The following COL24A1 variants were observed in gnomAD, a reference collection of about 807,000 sequenced individuals.
The protein encoded by COL24A1 is collagen type XXIV alpha 1 chain, also known as collagen alpha-1(XXIV) chain.
Under a neutral mutation model 253.9 loss-of-function variants are expected in COL24A1, and 224 were observed. The ratio of observed to expected loss-of-function variants is 0.88; its 90% confidence interval spans 0.79 to 0.99. The LOEUF is 0.99. Ranked by LOEUF, COL24A1 falls within the 50% of genes least tolerant of loss-of-function variation. The pLI, the probability that COL24A1 is intolerant of heterozygous loss-of-function variation, is 0.00. For missense variants in COL24A1, 2,131 were observed against 2,068.5 expected (o/e 1.03, Z -0.59); for synonymous variants, 685 against 673.7 (o/e 1.02, Z -0.26).
intron 24 of COL24A1, among the ~76,000 whole-genome samples, chr1:85,958,705 G>GT (rs1022806112): frequency 6.6e-6 from 1 of 152,146 alleles, no homozygotes; most frequent in Admixed American, 6.5e-5. Context: ...AAAAGAACAT[G>GT]TTTTTTTCTT....
chr1:85,986,791 C>A (rs539202161), intron 20 of COL24A1, among the ~76,000 whole-genome samples: 2 of 151,928 alleles, frequency 1.3e-5, no homozygotes, highest in East Asian at 1.9e-4. Flanking sequence ...CCTATCATTT[C>A]ATCTCTCTCT....
chr1:85,891,277 GA>G (rs1358219494), intron 31 of COL24A1, among the ~76,000 whole-genome samples: 5 of 150,178 alleles, frequency 3.3e-5, no homozygotes, highest in African/African-American at 1.2e-4. Context: ...TGTTAACCAG[GA>G]TGGTATCAAT....
intron 7 of COL24A1, among the ~76,000 whole-genome samples, chr1:86,088,203 C>G (rs1703210343): frequency 6.6e-6 from 1 of 152,106 alleles, no homozygotes; most frequent in Non-Finnish European, 1.5e-5. Flanking sequence ...AGTTAAGCAA[C>G]CTGCCCAAAG....
At chr1:85,739,712 C>T (rs768509738) in intron 57 of COL24A1, among the ~76,000 whole-genome samples, 3 of 152,100 alleles carry the variant, frequency 2.0e-5, no homozygotes, top group African/African-American at 7.2e-5. Flanking sequence ...GATTTTAAAG[C>T]CACATAGATG....
chr1:85,944,755 G>A (rs572514576), intron 24 of COL24A1, among the ~76,000 whole-genome samples: 3 of 151,388 alleles, frequency 2.0e-5, no homozygotes, highest in East Asian at 3.9e-4. Context: ...CCCATTCCCC[G>A]ACCCCACAAC....
chr1:85,852,110 G>A (rs2102350293), intron 37 of COL24A1, among the ~76,000 whole-genome samples: 1 of 152,028 alleles, frequency 6.6e-6, no homozygotes, highest in Non-Finnish European at 1.5e-5. Context: ...GTTTGTGTGT[G>A]TGCGCGCACG....
intron 7 of COL24A1, among the ~76,000 whole-genome samples, chr1:86,088,622 T>A (rs1477329192): frequency 6.6e-6 from 1 of 152,176 alleles, no homozygotes; most frequent in Non-Finnish European, 1.5e-5. Flanking sequence ...TGTTTTTCAC[T>A]AGCTGTCCCC....
intron 31 of COL24A1, 47 bp from the exon 32 acceptor site, chr1:85,889,660 T>C (rs1284834809): frequency 9.2e-6 from 14 of 1,520,922 alleles, no homozygotes; most frequent in Non-Finnish European, 1.2e-5. Flanking sequence ...TGTGTGAAGA[T>C]GTTTTAGACA....
intron 7 of COL24A1, among the ~76,000 whole-genome samples, chr1:86,067,784 T>C (rs1701598140): frequency 6.6e-6 from 1 of 152,224 alleles, no homozygotes. Context: ...GATACATTCC[T>C]TGGAAAACTG....
intron 47 of COL24A1, among the ~76,000 whole-genome samples, chr1:85,807,278 T>C (rs1396964601): frequency 1.3e-5 from 2 of 152,196 alleles, no homozygotes; most frequent in African/African-American, 4.8e-5. Flanking sequence ...AACTCTATTA[T>C]TGCAATCGAA....
At chr1:85,999,975 CT>C (rs1306875228) in intron 19 of COL24A1, among the ~76,000 whole-genome samples, 1 of 152,152 alleles carries the variant, frequency 6.6e-6, no homozygotes, top group Non-Finnish European at 1.5e-5. Context: ...CTTTTACAGC[CT>C]TATTTGTCAC....
At chr1:85,945,018 T>TTTTTTTTTTTTTTTTTTTTTTTTTTG (rs1689174688) in intron 24 of COL24A1, among the ~76,000 whole-genome samples, 3 of 86,852 alleles carry the variant, frequency 3.5e-5, no homozygotes, top group African/African-American at 4.3e-5. Context: ...TTTTTTTTTT[T>TTTTTTTTTTTTTTTTTTTTTTTTTTG]TTTTTTTTTT....
chr1:85,987,677 G>A (rs201602153), intron 19 of COL24A1, 23 bp from the exon 20 acceptor site: 387 of 1,586,964 alleles, frequency 2.4e-4, no homozygotes, highest in Admixed American at 5.0e-4. Flanking sequence ...AAAATGTAGC[G>A]TTTATTCCAT....
At chr1:86,094,021 A>G (rs1253316005) in intron 5 of COL24A1, among the ~76,000 whole-genome samples, 2 of 152,178 alleles carry the variant, frequency 1.3e-5, no homozygotes, top group Non-Finnish European at 2.9e-5. Flanking sequence ...AGAAAAAGAA[A>G]TGCTTATACA....
At chr1:85,802,852 T>C (rs1671581970) in intron 47 of COL24A1, among the ~76,000 whole-genome samples, 1 of 152,190 alleles carries the variant, frequency 6.6e-6, no homozygotes. Context: ...TCTTTTTGTC[T>C]GTTTTTTTCC....
Position 85,987,600 on chromosome 1 carries a change from C to T in COL24A1, c.2364+1G>A. Reference sequence around the variant, plus strand: ...AGTCTCTCTCTTCTTCTTCTTCTTACCTTTGGTCCTTCAGGGCCGTTTTGT... The same window carrying T: ...AGTCTCTCTCTTCTTCTTCTTCTTATCTTTGGTCCTTCAGGGCCGTTTTGT... On this transcript the variant is annotated splice_donor_variant, in intron 20 of 59. Coordinates refer to ENST00000370571, the MANE Select transcript of COL24A1 (RefSeq NM_152890.7). LOFTEE classifies it high-confidence loss of function. 1 of 1,609,374 alleles carries T rather than the reference C, an allele frequency of 6.2e-7. No homozygotes were observed. Among genetic ancestry groups the T allele is most frequent in the South Asian group, 1.1e-5 (1 of 90,634 alleles).
At chr1:86,079,518 C>T (rs1266653168) in intron 7 of COL24A1, among the ~76,000 whole-genome samples, 1 of 152,048 alleles carries the variant, frequency 6.6e-6, no homozygotes, top group Admixed American at 6.6e-5. Flanking sequence ...GAAGAAACAA[C>T]CCAGAAAATA....
chr1:85,810,138 A>T (rs993661671), intron 47 of COL24A1, among the ~76,000 whole-genome samples: 5 of 152,122 alleles, frequency 3.3e-5, no homozygotes, highest in African/African-American at 1.2e-4. Context: ...GACCAAATAC[A>T]GCTAAAACCA....
At chr1:86,092,800 A>AT (rs1703602534) in intron 5 of COL24A1, among the ~76,000 whole-genome samples, 1 of 152,004 alleles carries the variant, frequency 6.6e-6, no homozygotes, top group Admixed American at 6.6e-5. Context: ...AAAAATGAAC[A>AT]TAAAAAAGAT....
Sources: allele counts gnomAD v4.1 joint callset (sites outside exome capture counted in the v4.1 genomes callset), GRCh38; gene constraint gnomAD v4.1.1; transcripts MANE v1.5; gene names NCBI Gene and HGNC (gene_info 2026-07-23, HGNC 2026-07-21).